NUP210: variants seen among roughly 807,000 people sequenced by gnomAD.
NUP210 encodes the protein nucleoporin 210.
NUP210 carries 151 observed loss-of-function variants against 196.0 expected under a neutral mutation model. The observed-to-expected ratio is 0.77, with a 90% CI of 0.67 to 0.88. NUP210 has a LOEUF of 0.88. NUP210 is among the 40% of genes least tolerant of loss of function. NUP210 has a pLI of 0.00. For missense variants in NUP210, 2,314 were observed against 2,493.7 expected, an observed-to-expected ratio of 0.93 and a Z score of 1.53; for synonymous variants, 1,070 against 1,052.7, an observed-to-expected ratio of 1.02 and a Z score of -0.32.
intron 16 of NUP210, among the ~76,000 whole-genome samples, chr3:13,355,103 G>C (rs771876475): frequency 6.6e-6 from 1 of 152,190 alleles, no homozygotes; most frequent in Non-Finnish European, 1.5e-5. Flanking sequence ...CTCCAGCTAT[G>C]ACACACAAAG....
At chr3:13,405,836 G>A (rs1463903367) in intron 1 of NUP210, among the ~76,000 whole-genome samples, 2 of 152,168 alleles carry the variant, frequency 1.3e-5, no homozygotes, top group Non-Finnish European at 2.9e-5. Flanking sequence ...GGTGACTCCA[G>A]ATCAGATACC....
chr3:13,330,553 A>G lies in NUP210; in HGVS notation c.4017T>C (p.Phe1339=), dbSNP rs145073752. The G allele has an allele frequency of 7.1e-5, 114 of 1,614,246 alleles. No homozygotes were observed. In the African/African-American group the frequency reaches 1.5e-3, roughly 21 times the overall value. ...VPVVHVDEKG[F]LASGSMIGTS... ...TCCCGATCATAGACCCTGATGCTAGAAAGCCTTTCTCATCAACATGCACAA... is the reference window on the plus strand; with the variant it reads ...TCCCGATCATAGACCCTGATGCTAGGAAGCCTTTCTCATCAACATGCACAA... The change falls in exon 30 of 40, where the codon TTT becomes TTC. Residue 1339 remains phenylalanine, a synonymous_variant. Coordinates refer to ENST00000254508, the MANE Select transcript of NUP210 (RefSeq NM_024923.4).
chr3:13,388,438 C>T lies in NUP210; in HGVS notation c.549G>A (p.Leu183=), dbSNP rs1349167384. 1.3e-6 allele frequency: 2 copies of T among 1,596,838 alleles called. No homozygotes were observed. The highest frequency in any genetic ancestry group is 1.7e-6 in the Non-Finnish European group (2 of 1,174,598). Reference sequence around the variant, plus strand: ...AAGAAGGAGGGATGTACGTAGACTCCAAGAAAGTGAGGATTCTGGAAAAGG... The same window carrying T: ...AAGAAGGAGGGATGTACGTAGACTCTAAGAAAGTGAGGATTCTGGAAAAGG... ...SHNALRILTF[L]ESTYIPPSYI... Residue 183 remains leucine (L), a synonymous_variant, in exon 5 of 40, where the codon TTG becomes TTA. Transcript: ENST00000254508.
In NUP210 at chr3:13,327,241, C is replaced by T. The variant is rs199638243; in HGVS notation, c.4483G>A (p.Ala1495Thr). ...AMVVGDVLCL[A>T]TVLTSLEGLS... is the part of the protein sequence containing the mutation. ...CCTTCCAGGCTGGTCAGAACAGTGG[C>T]CAGACAGAGCACGTCCCCCACCACC... Residue 1495 changes from alanine to threonine, a missense_variant, in exon 32 of 40, where the codon GCC becomes ACC. Physicochemically the swap from Ala to Thr is moderately conservative, Grantham distance 58. Transcript: ENST00000254508. 1.5e-4 allele frequency: 240 copies of T among 1,613,248 alleles called. No individual in the cohort carries two copies. Among genetic ancestry groups the T allele is most frequent in the Middle Eastern group, 1.6e-4 (1 of 6,062 alleles).
chr3:13,353,918 G>A lies in NUP210; in HGVS notation c.2518C>T (p.His840Tyr), dbSNP rs763010140. The A allele has an allele frequency of 1.2e-6, 2 of 1,606,988 alleles. No individual in the cohort carries two copies. Among genetic ancestry groups the A allele is most frequent in the Admixed American group, 1.7e-5 (1 of 59,500 alleles). Residue 840 changes from histidine (H) to tyrosine (Y), a missense_variant, in exon 17 of 40, where the codon CAC (histidine) becomes TAC (tyrosine). Transcript: ENST00000254508. ...ATCAGGCTTGTGCCCAGCTCACCGT[G>A]CAGCTTCTTTTGGCCACTCTCATCG... ...QDDESGQKKL[H>Y]GLQAILVHEA...
Position 13,319,319 on chromosome 3 carries a change from G to C in NUP210, c.5390C>G (p.Ala1797Gly). The C allele has an allele frequency of 6.2e-7, 1 of 1,608,630 alleles. No individual in the cohort carries two copies. ...ATCCAGGAAGTGCTGGAAGAGGCTG[G>C]CTCCATCTGCCATCAATGGGAAGAT... ...VDRRGPGPYGASLFQHFLDSY... is the reference protein window; with the variant it reads ...VDRRGPGPYGGSLFQHFLDSY... Residue 1797 changes from alanine to glycine, a missense_variant, in exon 38 of 40, where the codon GCC becomes GGC. Coordinates refer to ENST00000254508, the MANE Select transcript of NUP210 (RefSeq NM_024923.4).
At chr3:13,399,332 GA>G (rs948780221) in intron 2 of NUP210, among the ~76,000 whole-genome samples, 7 of 151,588 alleles carry the variant, frequency 4.6e-5, no homozygotes, top group Non-Finnish European at 1.0e-4. Flanking sequence ...TCTAAGTAGG[GA>G]AAAGCATGAT....
At chr3:13,331,485 G>A (rs1049050772) in intron 29 of NUP210, among the ~76,000 whole-genome samples, 2 of 151,976 alleles carry the variant, frequency 1.3e-5, no homozygotes, top group Non-Finnish European at 2.9e-5. Context: ...ACTGCAGCCC[G>A]AGCATCTCCA....
chr3:13,365,318 C>T, intron 14 of NUP210, among the ~76,000 whole-genome samples: 1 of 152,310 alleles, frequency 6.6e-6, no homozygotes, highest in Non-Finnish European at 1.5e-5. Flanking sequence ...CAAGAGCTGT[C>T]TCAGTCCCAT....
chr3:13,353,748 C>T (rs768546969), intron 17 of NUP210, 88 bp from the exon 18 acceptor site: 602 of 1,333,672 alleles, frequency 4.5e-4, no homozygotes, highest in Non-Finnish European at 6.0e-4. Flanking sequence ...TTTGCAGTTT[C>T]GAATCTGAAA....
rs1400011123 is a variant in NUP210 at position 13,316,392 on chromosome 3, G to GGCTC, written c.*1288_*1289insGAGC. 6.6e-6 allele frequency: 1 copy of GGCTC among 152,284 alleles called. No individual in the cohort carries two copies. The highest frequency in any genetic ancestry group is 1.5e-5 in the Non-Finnish European group (1 of 68,074). The allele number at this position is 152,284 out of a possible 1,614,324, so 9.4% of individuals were successfully genotyped here. ...CATGGCCCAGCCCTGAAGGACTGAA[G>GGCTC]GGAGCTTGTGCGGGATCCCGTCATC... On this transcript the variant is annotated 3_prime_UTR_variant, in exon 40 of 40. Transcript: ENST00000254508.
intron 3 of NUP210, among the ~76,000 whole-genome samples, chr3:13,393,913 C>T (rs112211366): frequency 0.034 from 5,162 of 152,274 alleles, 118 homozygotes; most frequent in Middle Eastern, 0.075. Flanking sequence ...AAATGTTAGG[C>T]AATTCAACCT....
chr3:13,410,998 G>A (rs1362182819), intron 1 of NUP210, among the ~76,000 whole-genome samples: 1 of 151,776 alleles, frequency 6.6e-6, no homozygotes, highest in Non-Finnish European at 1.5e-5. Flanking sequence ...AAGGTAGGAG[G>A]ATTGCTTGAG....
Position 13,391,218 on chromosome 3 carries a change from C to T in NUP210, c.526G>A (p.Ala176Thr), listed in dbSNP as rs1390928565. The change falls in exon 4 of 40, where the codon GCG becomes ACG. Residue 176 changes from alanine to threonine, a missense_variant. Ala to Thr is a moderately conservative substitution (Grantham distance 58). Transcript: ENST00000254508. ...EADRFSDSHN[A>T]LRILTFLEST... is the part of the protein sequence containing the mutation. ...AGCAGAGGCACCCCTTACCGCAGCG[C>T]ATTGTGGGAGTCTGAGAACCTGTCC... The T allele has an allele frequency of 6.2e-7, 1 of 1,611,486 alleles. No homozygotes were observed. The highest frequency in any genetic ancestry group is 8.5e-7 in the Non-Finnish European group (1 of 1,178,706).
At chr3:13,385,788 GGATGAATGGGTA>G (rs113937631) in intron 6 of NUP210, among the ~76,000 whole-genome samples, 87,928 of 151,794 alleles carry the variant, frequency 0.58, 26,713 homozygotes, top group African/African-American at 0.77. Flanking sequence ...GTCTGCTGAT[GGATGAATGGGTA>G]GATGAATGGG....
At chr3:13,365,847 G>A in intron 14 of NUP210, 99 bp downstream of exon 14, 1 of 1,304,322 alleles carries the variant, frequency 7.7e-7, no homozygotes, top group Non-Finnish European at 1.1e-6. Context: ...TATTTTGAAG[G>A]AATCGGGTTT....
intron 2 of NUP210, 34 bp downstream of exon 2, chr3:13,399,691 C>G (rs759698177): frequency 3.3e-5 from 54 of 1,613,474 alleles, no homozygotes; most frequent in Non-Finnish European, 4.2e-5. Flanking sequence ...TCTCTGGCTC[C>G]CACCGGGGAT....
At chr3:13,404,372 T>C (rs1013120273) in intron 1 of NUP210, among the ~76,000 whole-genome samples, 4 of 152,214 alleles carry the variant, frequency 2.6e-5, no homozygotes, top group African/African-American at 9.7e-5. Flanking sequence ...AATTCACTTT[T>C]ATTCAGAAGG....
In NUP210 at chr3:13,358,369, C is replaced by T. The variant is rs770238960; in HGVS notation, c.2181G>A (p.Lys727=). Residue 727 remains lysine (K), a synonymous_variant, in exon 16 of 40, where the codon AAG becomes AAA. Coordinates refer to ENST00000254508, the MANE Select transcript of NUP210 (RefSeq NM_024923.4). ...CAGGAAAGGGGTTGGTGAGGCTGGG[C>T]TTGTTCCCCACCGACAGGGCGATGA... ...EQVIALSVGN[K]PSLTNPFPAV... 2.5e-6 allele frequency: 4 copies of T among 1,612,862 alleles called. No homozygotes were observed. The highest frequency in any genetic ancestry group is 1.7e-5 in the Admixed American group (1 of 59,930).
Sources: allele counts gnomAD v4.1 joint callset (sites outside exome capture counted in the v4.1 genomes callset), GRCh38; gene constraint gnomAD v4.1.1; transcripts MANE v1.5; gene names NCBI Gene and HGNC (gene_info 2026-07-23, HGNC 2026-07-21).